Variants in KIF13B observed in about 807,000 individuals in gnomAD.
KIF13B encodes the protein kinesin-like protein KIF13B.
Under a neutral mutation model 222.0 loss-of-function variants are expected in KIF13B, and 127 were observed. That is an observed-to-expected ratio of 0.57 (90% confidence interval 0.50 to 0.66). KIF13B has a LOEUF of 0.66. Among genes scored for constraint, KIF13B ranks in the 30% least tolerant of loss-of-function variants. KIF13B has a pLI of 0.00. For missense variants in KIF13B, 2,173 were observed against 2,379.0 expected, an observed-to-expected ratio of 0.91 and a Z score of 1.80; for synonymous variants, 976 against 919.0, an observed-to-expected ratio of 1.06 and a Z score of -1.12.
intron 34 of KIF13B, among the ~76,000 whole-genome samples, 175 bp from the exon 35 acceptor site, chr8:29,108,367 T>G (rs561745473): frequency 6.6e-6 from 1 of 152,202 alleles, no homozygotes; most frequent in Non-Finnish European, 1.5e-5. Context: ...AAACATTGAA[T>G]TGGTTATGAA....
chr8:29,168,899 C>T (rs1238912701), intron 10 of KIF13B, among the ~76,000 whole-genome samples: 1 of 152,154 alleles, frequency 6.6e-6, no homozygotes, highest in African/African-American at 2.4e-5. Flanking sequence ...CAATAGATAA[C>T]TACTCATATA....
At chr8:29,251,256 T>C (rs1347286234) in intron 1 of KIF13B, among the ~76,000 whole-genome samples, 2 of 152,044 alleles carry the variant, frequency 1.3e-5, no homozygotes, top group Non-Finnish European at 2.9e-5. Context: ...ATCCAAAAGA[T>C]CAACACCTTT....
At chr8:29,201,361 C>A (rs1295234484) in intron 2 of KIF13B, among the ~76,000 whole-genome samples, 2 of 152,204 alleles carry the variant, frequency 1.3e-5, no homozygotes, top group East Asian at 3.8e-4. Flanking sequence ...ATTTGAATAA[C>A]AAATCACATC....
intron 3 of KIF13B, among the ~76,000 whole-genome samples, chr8:29,193,360 G>C (rs1320080079): frequency 6.6e-6 from 1 of 151,096 alleles, no homozygotes; most frequent in East Asian, 1.9e-4. Flanking sequence ...TGGCCCCAAA[G>C]GACTGGGCAT....
At chr8:29,168,042 A>C (rs971850904) in intron 10 of KIF13B, among the ~76,000 whole-genome samples, 1 of 152,242 alleles carries the variant, frequency 6.6e-6, no homozygotes, top group Non-Finnish European at 1.5e-5. Context: ...ATAATGGCTC[A>C]GAAAGTTGCT....
At chr8:29,203,786 C>T (rs567431870) in intron 2 of KIF13B, among the ~76,000 whole-genome samples, 1 of 148,962 alleles carries the variant, frequency 6.7e-6, no homozygotes, top group East Asian at 2.0e-4. Flanking sequence ...CCCAGCTACT[C>T]AGGAGGCTAA....
At chr8:29,115,813 T>C (rs1458346653) in intron 31 of KIF13B, among the ~76,000 whole-genome samples, 2 of 152,132 alleles carry the variant, frequency 1.3e-5, no homozygotes, top group Non-Finnish European at 2.9e-5. Flanking sequence ...GCATGTGTAT[T>C]TCCTCCTGTC....
intron 1 of KIF13B, among the ~76,000 whole-genome samples, chr8:29,256,450 ATTTC>A (rs1485906375): frequency 1.3e-5 from 2 of 151,974 alleles, no homozygotes; most frequent in Non-Finnish European, 2.9e-5. Context: ...TTCCACCCCC[ATTTC>A]TTTAATTCAT....
chr8:29,101,416 C>A (rs1363628384), intron 35 of KIF13B, among the ~76,000 whole-genome samples: 1 of 152,086 alleles, frequency 6.6e-6, no homozygotes, highest in African/African-American at 2.4e-5. Flanking sequence ...AAAACTAAGC[C>A]GCTGATCTGG....
chr8:29,081,207 G>A (rs1027835257), intron 37 of KIF13B, among the ~76,000 whole-genome samples: 18 of 152,010 alleles, frequency 1.2e-4, no homozygotes, highest in African/African-American at 3.6e-4. Flanking sequence ...GCATTTAACC[G>A]TGCTTTCTCA....
At chr8:29,130,782 G>T in intron 23 of KIF13B, 117 bp from the exon 24 acceptor site, 1 of 895,840 alleles carries the variant, frequency 1.1e-6, no homozygotes, top group Non-Finnish European at 1.7e-6. Flanking sequence ...GAGTAATTCA[G>T]AATGATCTGT....
chr8:29,182,281 A>T (rs1287911104), intron 6 of KIF13B, among the ~76,000 whole-genome samples: 1 of 152,242 alleles, frequency 6.6e-6, no homozygotes, highest in Non-Finnish European at 1.5e-5. Context: ...AATATGAACA[A>T]TCTATTTGTC....
intron 12 of KIF13B, among the ~76,000 whole-genome samples, chr8:29,163,856 A>T (rs1811883832): frequency 6.6e-6 from 1 of 152,232 alleles, no homozygotes; most frequent in East Asian, 1.9e-4. Context: ...GACTCATGAC[A>T]ACAAATGTTT....
rs1809933010 is a variant in KIF13B at position 29,122,759 on chromosome 8, C to A, written c.3480-113G>T. 3.7e-6 allele frequency: 3 copies of A among 801,056 alleles called. No homozygotes were observed. In the South Asian group the frequency reaches 4.8e-5, roughly 13 times the overall value. The allele number at this position is 801,056 out of a possible 1,614,324, so 49.6% of individuals were successfully genotyped here. ...CTGTTACAGGGCAAAGCAGTAATAA[C>A]CCTGGCCCTGATTTTACTCTAATCC... On this transcript the variant is annotated intron_variant, in intron 28 of 39. Transcript: ENST00000524189.
At position 29,183,519 on chromosome 8, in the gene KIF13B, C is replaced by T. The variant is rs539538769; in HGVS notation, c.498-1513G>A. Among the ~76,000 whole-genome samples the T allele has an allele frequency of 1.7e-3, 259 of 152,266 alleles. 2 individuals carry two copies. The highest frequency in any genetic ancestry group is 5.8e-3 in the African/African-American group (243 of 41,552). On this transcript the variant is annotated intron_variant, in intron 6 of 39. Transcript: ENST00000524189. ...GAGGTGCACACTCCTCAGCTTGCTA[C>T]GCATGCTCCTTTATAATCTGCTCTT... is the stretch of plus-strand genomic sequence containing the variant.
intron 3 of KIF13B, 23 bp downstream of exon 3, chr8:29,196,164 A>T (rs1479479109): frequency 1.3e-6 from 2 of 1,559,614 alleles, no homozygotes; most frequent in Non-Finnish European, 1.7e-6. Context: ...TACAAGCATC[A>T]CATAACAAAC....
At chr8:29,237,412 C>T (rs1815561493) in intron 2 of KIF13B, among the ~76,000 whole-genome samples, 1 of 152,098 alleles carries the variant, frequency 6.6e-6, no homozygotes, top group Admixed American at 6.6e-5. Context: ...AAATTCAAAA[C>T]ACGTAATTCC....
intron 2 of KIF13B, among the ~76,000 whole-genome samples, chr8:29,209,729 A>G (rs749510173): frequency 3.9e-5 from 6 of 152,076 alleles, no homozygotes; most frequent in Non-Finnish European, 7.4e-5. Flanking sequence ...ACTAGCATCT[A>G]GGGCACAGAA....
chr8:29,244,224 A>G (rs1049217833), intron 2 of KIF13B, among the ~76,000 whole-genome samples: 7 of 152,232 alleles, frequency 4.6e-5, no homozygotes, highest in East Asian at 1.9e-4. Flanking sequence ...TGTGTTAGCC[A>G]GGATGGTCTC....
Sources: allele counts gnomAD v4.1 joint callset (sites outside exome capture counted in the v4.1 genomes callset), GRCh38; gene constraint gnomAD v4.1.1; transcripts MANE v1.5; gene names NCBI Gene and HGNC (gene_info 2026-07-23, HGNC 2026-07-21).